TMCC1: variants seen among roughly 807,000 people sequenced by gnomAD.
TMCC1 encodes transmembrane and coiled-coil domains protein 1.
A neutral mutation model predicts 52.4 loss-of-function variants in TMCC1; 15 were observed. That is an observed-to-expected ratio of 0.29 (90% CI 0.19 to 0.44). The LOEUF is 0.44. Among genes scored for constraint, TMCC1 ranks in the 20% least tolerant of loss-of-function variants. The pLI is 1.00. For synonymous variants in TMCC1, 279 were observed against 301.9 expected, an observed-to-expected ratio of 0.92 and a Z score of 0.79; for missense variants, 503 against 806.0, an observed-to-expected ratio of 0.62 and a Z score of 4.55.
intron 5 of TMCC1, among the ~76,000 whole-genome samples, chr3:129,659,329 A>G (rs1284802197): frequency 6.6e-6 from 1 of 151,848 alleles, no homozygotes; most frequent in African/African-American, 2.4e-5. Flanking sequence ...TCCTGAGCTC[A>G]AGCAATCCTC....
intron 4 of TMCC1, among the ~76,000 whole-genome samples, chr3:129,682,416 T>A (rs1050543221): frequency 6.6e-6 from 1 of 152,206 alleles, no homozygotes. Flanking sequence ...ACAGTTGCAT[T>A]TTGCAACTGT....
chr3:129,720,043 G>A (rs950723529), intron 4 of TMCC1, among the ~76,000 whole-genome samples: 28 of 152,120 alleles, frequency 1.8e-4, no homozygotes, highest in African/African-American at 6.0e-4. Flanking sequence ...TTAGCAAAGC[G>A]TGGTGGCACA....
At chr3:129,726,896 A>AAAAAAAAAAAAAAAAAAAAG (rs2050147551) in intron 4 of TMCC1, among the ~76,000 whole-genome samples, 1 of 143,466 alleles carries the variant, frequency 7.0e-6, no homozygotes, top group African/African-American at 2.6e-5. Flanking sequence ...AAAAAAAAAA[A>AAAAAAAAAAAAAAAAAAAAG]AAGAACCACT....
chr3:129,794,895 G>A (rs1479197105), intron 4 of TMCC1, among the ~76,000 whole-genome samples: 1 of 152,060 alleles, frequency 6.6e-6, no homozygotes, highest in African/African-American at 2.4e-5. Context: ...TCCACCTTAG[G>A]TAATCCTTTA....
chr3:129,861,768 T>C (rs1438051686), intron 2 of TMCC1, among the ~76,000 whole-genome samples: 1 of 152,232 alleles, frequency 6.6e-6, no homozygotes, highest in Non-Finnish European at 1.5e-5. Context: ...GGTGGGAATG[T>C]AAAATGGCCC....
At chr3:129,668,450 A>G (rs2087648100) in intron 5 of TMCC1, among the ~76,000 whole-genome samples, 1 of 152,192 alleles carries the variant, frequency 6.6e-6, no homozygotes, top group Non-Finnish European at 1.5e-5. Context: ...ACTTAAGAGA[A>G]CTGAAGAAAC....
At chr3:129,871,145 G>A (rs1241865126) in intron 2 of TMCC1, among the ~76,000 whole-genome samples, 1 of 152,034 alleles carries the variant, frequency 6.6e-6, no homozygotes, top group Non-Finnish European at 1.5e-5. Context: ...GAGAGCCTGA[G>A]GTCAGGAGTT....
At chr3:129,694,346 AC>A (rs1397736436) in intron 4 of TMCC1, among the ~76,000 whole-genome samples, 1 of 152,244 alleles carries the variant, frequency 6.6e-6, no homozygotes, top group African/African-American at 2.4e-5. Flanking sequence ...TGTATGACTA[AC>A]TAGCACTGTG....
At chr3:129,819,822 T>G in intron 4 of TMCC1, 1 of 152,078 alleles carries the variant, frequency 6.6e-6, no homozygotes, top group Non-Finnish European at 1.5e-5. Flanking sequence ...ATACAAAGAT[T>G]ATCATGGCTT....
rs554169703 is a variant in TMCC1, at chr3:129,798,584, A to G, written c.576+29219T>C. On this transcript the variant is annotated intron_variant, in intron 4 of 6. Coordinates refer to ENST00000393238, the MANE Select transcript of TMCC1 (RefSeq NM_001017395.5). ...GGGGTGTGAAACAAGTGGTAAGTGA[A>G]ACTTAATTTCCCTCACTAACAAGGC... Among the ~76,000 whole-genome samples the G allele has an allele frequency of 5.9e-5, 9 of 152,114 alleles. No homozygotes were observed. The South Asian group carries it at 1.9e-3, about 32-fold the overall frequency.
At chr3:129,723,606 G>A (rs2049832344) in intron 4 of TMCC1, among the ~76,000 whole-genome samples, 2 of 152,110 alleles carry the variant, frequency 1.3e-5, no homozygotes, top group African/African-American at 4.8e-5. Context: ...CTGCAATGAA[G>A]CAGCCCATTA....
At position 129,651,773 on chromosome 3, in the gene TMCC1, G is replaced by A. The variant is rs2086340592; in HGVS notation, c.1670C>T (p.Thr557Met). 1.9e-6 allele frequency: 3 copies of A among 1,613,756 alleles called. No homozygotes were observed. The highest frequency in any genetic ancestry group is 2.7e-5 in the African/African-American group (2 of 74,934). The change falls in exon 7 of 7, where the codon ACG becomes ATG. Residue 557 changes from threonine (T) to methionine (M), a missense_variant. By Grantham distance (81) the Thr-to-Met change is moderately conservative (BLOSUM62 -1). Transcript: ENST00000393238. The surrounding 1 kb of genome is among the most constrained non-coding windows in gnomAD (Gnocchi z 5.1). The part of the protein sequence containing the change: ...DIQEALEACQ[T>M]RISKMELQQQ... ...CTGCAGCTCCATCTTGGAGATGCGCGTCTGGCATGCCTCCAGGGCCTCCTG... is the reference window on the plus strand; with the variant it reads ...CTGCAGCTCCATCTTGGAGATGCGCATCTGGCATGCCTCCAGGGCCTCCTG...
chr3:129,719,037 T>C (rs991939755), intron 4 of TMCC1, among the ~76,000 whole-genome samples: 2 of 152,168 alleles, frequency 1.3e-5, no homozygotes, highest in African/African-American at 4.8e-5. Flanking sequence ...ATCCTTGGAA[T>C]CTCCAAAGTG....
intron 4 of TMCC1, among the ~76,000 whole-genome samples, chr3:129,707,514 T>C (rs1358692302): frequency 6.6e-6 from 1 of 152,240 alleles, no homozygotes; most frequent in East Asian, 1.9e-4. Flanking sequence ...TGGAATAGTC[T>C]TTAGTTTGCT....
chr3:129,848,812 T>G (rs1441920667), intron 2 of TMCC1, among the ~76,000 whole-genome samples: 2 of 152,160 alleles, frequency 1.3e-5, no homozygotes, highest in Non-Finnish European at 2.9e-5. Flanking sequence ...CACTTAACTC[T>G]TCAAATCTAA....
intron 4 of TMCC1, among the ~76,000 whole-genome samples, chr3:129,815,200 G>A (rs2058037563): frequency 6.6e-6 from 1 of 151,852 alleles, no homozygotes; most frequent in African/African-American, 2.4e-5. Flanking sequence ...TAACTTTTCT[G>A]ACCACAATGG....
At chr3:129,747,669 G>A (rs891899543) in intron 4 of TMCC1, among the ~76,000 whole-genome samples, 4 of 152,082 alleles carry the variant, frequency 2.6e-5, no homozygotes, top group Non-Finnish European at 5.9e-5. Flanking sequence ...CCTCCCTGGT[G>A]TAGATGTCAA....
chr3:129,670,803 A>G lies in TMCC1; in HGVS notation c.1038T>C (p.Ser346=), dbSNP rs150463535. The G allele has an allele frequency of 3.7e-6, 6 of 1,614,110 alleles. No individual in the cohort carries two copies. The highest frequency in any genetic ancestry group is 5.1e-6 in the Non-Finnish European group (6 of 1,180,000). Residue 346 remains serine (S), a synonymous_variant, in exon 5 of 7, where the codon AGT becomes AGC. Coordinates refer to ENST00000393238, the MANE Select transcript of TMCC1 (RefSeq NM_001017395.5). ...VTGFSEGVVD[S]VKGGFSSFSQ... ...AGAAGCTGGAAAACCCACCTTTGAC[A>G]CTATCCACCACACCTTCACTGAAGC...
intron 4 of TMCC1, among the ~76,000 whole-genome samples, chr3:129,763,365 A>C (rs2053795001): frequency 6.7e-6 from 1 of 149,418 alleles, no homozygotes; most frequent in South Asian, 2.1e-4. Flanking sequence ...CAACATGGTA[A>C]AACCCTGTCT....
Sources: allele counts gnomAD v4.1 joint callset (sites outside exome capture counted in the v4.1 genomes callset), GRCh38; gene constraint gnomAD v4.1.1; non-coding constraint Gnocchi (gnomAD v3.1); transcripts MANE v1.5; gene names NCBI Gene and HGNC (gene_info 2026-07-23, HGNC 2026-07-21).